FNDC1: variants seen among roughly 807,000 people sequenced by gnomAD.
FNDC1 encodes the protein fibronectin type III domain containing 1.
Under a neutral mutation model 168.0 loss-of-function variants are expected in FNDC1, and 96 were observed. That is an observed-to-expected ratio of 0.57 (90% CI 0.48 to 0.68). The LOEUF is 0.68. FNDC1 is among the 30% of genes least tolerant of loss of function. FNDC1 has a pLI of 0.00. For missense variants in FNDC1, 2,587 were observed against 2,482.1 expected, an observed-to-expected ratio of 1.04 and a Z score of -0.90; for synonymous variants, 1,099 against 1,025.9, an observed-to-expected ratio of 1.07 and a Z score of -1.36.
chr6:159,233,968 C>T lies in FNDC1; in HGVS notation c.3456C>T (p.Ser1152=). 6.3e-7 allele frequency: 1 copy of T among 1,590,054 alleles called. No individual in the cohort carries two copies. Among genetic ancestry groups the T allele is most frequent in the Non-Finnish European group, 8.6e-7 (1 of 1,168,606 alleles). The change falls in exon 11 of 23, where the codon AGC becomes AGT. Residue 1152 remains serine, a synonymous_variant. Coordinates refer to ENST00000297267, the MANE Select transcript of FNDC1 (RefSeq NM_032532.3). This position sits in a 1 kb window ranked among gnomAD's most constrained non-coding sequence, Gnocchi z 4.6. Reference sequence around the variant, plus strand: ...CCCAGTCCCGCGCCCGGGTACCCAGCAGGGCAGCGCCGGGGAAGTCGGAGC... The same window carrying T: ...CCCAGTCCCGCGCCCGGGTACCCAGTAGGGCAGCGCCGGGGAAGTCGGAGC... The part of the protein sequence containing the change: ...GGPQSRARVP[S]RAAPGKSEPP...
At chr6:159,218,950 G>T (rs1782761026) in intron 5 of FNDC1, among the ~76,000 whole-genome samples, 1 of 152,098 alleles carries the variant, frequency 6.6e-6, no homozygotes, top group Admixed American at 6.5e-5. Flanking sequence ...CACACTTGAG[G>T]TCGGAAAGTG....
At chr6:159,187,291 C>G (rs1782023757) in intron 1 of FNDC1, among the ~76,000 whole-genome samples, 1 of 152,174 alleles carries the variant, frequency 6.6e-6, no homozygotes, top group Admixed American at 6.5e-5. Flanking sequence ...GCTTCCATTG[C>G]TGTCCTCCAT....
In FNDC1 at chr6:159,200,593, T is replaced by C; in HGVS notation, c.460+12T>C. On this transcript the variant is annotated intron_variant, in intron 4 of 22. Transcript: ENST00000297267. ...TGAAACCGTCACAGGTACTACTTCC[T>C]CCTTCATGTCAGATTCATGTTTTCA... 1 of 1,572,724 alleles carries C rather than the reference T, an allele frequency of 6.4e-7. No individual in the cohort carries two copies. Among genetic ancestry groups the C allele is most frequent in the Non-Finnish European group, 8.7e-7 (1 of 1,155,382 alleles).
intron 14 of FNDC1, among the ~76,000 whole-genome samples, chr6:159,241,558 C>G (rs1562305454): frequency 6.6e-6 from 1 of 152,136 alleles, no homozygotes; most frequent in Non-Finnish European, 1.5e-5. Flanking sequence ...AAAATAAGTA[C>G]AAATCAATAC....
At position 159,217,147 on chromosome 6, in the gene FNDC1, G is replaced by A. The variant is rs534737849; in HGVS notation, c.667+1996G>A. On this transcript the variant is annotated intron_variant, in intron 5 of 22. Transcript: ENST00000297267. Reference sequence around the variant, plus strand: ...GTAAAATCCTTCAGACAAGGAGGGGGATGGGCAGTGTGACTGAGATGGATG... The same window carrying A: ...GTAAAATCCTTCAGACAAGGAGGGGAATGGGCAGTGTGACTGAGATGGATG... Among the ~76,000 whole-genome samples the A allele has an allele frequency of 4.6e-5, 7 of 152,358 alleles. No individual in the cohort carries two copies. The South Asian group carries it at 1.5e-3, about 32-fold the overall frequency.
At chr6:159,207,334 G>A (rs1305578496) in intron 4 of FNDC1, among the ~76,000 whole-genome samples, 2 of 152,226 alleles carry the variant, frequency 1.3e-5, no homozygotes, top group Non-Finnish European at 2.9e-5. Flanking sequence ...CTCTGGGAAG[G>A]TGGGAGATGG....
rs1481087495 is a variant in FNDC1, at chr6:159,261,238, C to T, written c.5223C>T (p.Ile1741=). ...AAAATCCTCATGGCTACGGACCTATCAGCCCTTCGGTCTCATTTGTCACCG... is the reference window on the plus strand; with the variant it reads ...AAAATCCTCATGGCTACGGACCTATTAGCCCTTCGGTCTCATTTGTCACCG... ...QAQNPHGYGP[I]SPSVSFVTES... is the part of the protein sequence containing the mutation. Residue 1741 remains isoleucine (I), a synonymous_variant, in exon 19 of 23, where the codon ATC becomes ATT. Transcript: ENST00000297267. 1 of 1,613,082 alleles carries T rather than the reference C, an allele frequency of 6.2e-7. No individual in the cohort carries two copies. Among genetic ancestry groups the T allele is most frequent in the Admixed American group, 1.7e-5 (1 of 59,832 alleles).
Position 159,234,050 on chromosome 6 carries a change from G to T in FNDC1, c.3538G>T (p.Asp1180Tyr), listed in dbSNP as rs1258289183. ...CCAGCAGTCGGTCTCAGCCGAGGACGACGAGGAGGAGGACGCGGGATTTTT... is the reference window on the plus strand; with the variant it reads ...CCAGCAGTCGGTCTCAGCCGAGGACTACGAGGAGGAGGACGCGGGATTTTT... ...KSQQSVSAED[D>Y]EEEDAGFFKG... Residue 1180 changes from aspartate to tyrosine, a missense_variant, in exon 11 of 23, where the codon GAC becomes TAC. Asp to Tyr is a radical substitution (Grantham distance 160). Coordinates refer to ENST00000297267, the MANE Select transcript of FNDC1 (RefSeq NM_032532.3). 1 of 1,612,314 alleles carries T rather than the reference G, an allele frequency of 6.2e-7. No individual in the cohort carries two copies. Among genetic ancestry groups the T allele is most frequent in the Non-Finnish European group, 8.5e-7 (1 of 1,179,280 alleles).
intron 6 of FNDC1, among the ~76,000 whole-genome samples, chr6:159,223,275 C>T (rs1024697620): frequency 3.3e-5 from 5 of 152,148 alleles, no homozygotes; most frequent in African/African-American, 9.7e-5. Context: ...GGATTACAGG[C>T]GTGAACCACC....
At chr6:159,253,932 G>A (rs1193283605) in intron 17 of FNDC1, among the ~76,000 whole-genome samples, 3 of 152,214 alleles carry the variant, frequency 2.0e-5, no homozygotes, top group African/African-American at 7.2e-5. Flanking sequence ...GGGCCATTGT[G>A]TGCAGCACCA....
chr6:159,195,821 T>C (rs542157835), intron 1 of FNDC1, among the ~76,000 whole-genome samples: 1 of 152,378 alleles, frequency 6.6e-6, no homozygotes, highest in African/African-American at 2.4e-5. Flanking sequence ...CATTTTAGAA[T>C]GTCTATTCAA....
intron 16 of FNDC1, among the ~76,000 whole-genome samples, chr6:159,249,801 C>G (rs1421488868): frequency 6.6e-6 from 1 of 152,182 alleles, no homozygotes; most frequent in African/African-American, 2.4e-5. Context: ...ATTAATGAGA[C>G]AGCTGGATTA....
At chr6:159,223,918 A>G (rs1782899563) in intron 7 of FNDC1, among the ~76,000 whole-genome samples, 1 of 152,180 alleles carries the variant, frequency 6.6e-6, no homozygotes, top group African/African-American at 2.4e-5. Flanking sequence ...TTGTGTCTGG[A>G]AATTTCCTAG....
rs375509168 is a variant in FNDC1, at chr6:159,233,209, G to A, written c.2697G>A (p.Arg899=). 9.8e-5 allele frequency: 158 copies of A among 1,613,110 alleles called. No homozygotes were observed. The highest frequency in any genetic ancestry group is 1.2e-4 in the Non-Finnish European group (144 of 1,179,626). Residue 899 remains arginine (R), a synonymous_variant, in exon 11 of 23, where the codon AGG becomes AGA. Transcript: ENST00000297267. The surrounding 1 kb of genome is among the most constrained non-coding windows in gnomAD (Gnocchi z 4.6). ...ATGACCACGTGCCTTCCTCCTCCAG[G>A]CAGCCCATCTCCCGGGGCTGGGAGG... ...VVNDHVPSSS[R]QPISRGWEDL...
chr6:159,180,499 G>C (rs997331738), intron 1 of FNDC1, among the ~76,000 whole-genome samples: 1 of 151,864 alleles, frequency 6.6e-6, no homozygotes, highest in African/African-American at 2.4e-5. Context: ...AAGTTCCAGG[G>C]TACATGTGCA....
intron 19 of FNDC1, among the ~76,000 whole-genome samples, chr6:159,262,933 C>T (rs781610901): frequency 2.0e-5 from 3 of 152,192 alleles, no homozygotes; most frequent in Admixed American, 6.5e-5. Context: ...TCAAGTTTCT[C>T]CTTCATTTTG....
At chr6:159,251,862 C>A (rs2115016039) in intron 17 of FNDC1, among the ~76,000 whole-genome samples, 1 of 152,296 alleles carries the variant, frequency 6.6e-6, no homozygotes, top group East Asian at 1.9e-4. Flanking sequence ...TCTCTAACAT[C>A]CTATAATCTT....
chr6:159,177,115 T>A (rs2114918646), intron 1 of FNDC1, among the ~76,000 whole-genome samples: 1 of 152,324 alleles, frequency 6.6e-6, no homozygotes, highest in South Asian at 2.1e-4. Flanking sequence ...GGGGTGGGTC[T>A]GTGCCAAATT....
At chr6:159,190,405 G>C (rs1782110242) in intron 1 of FNDC1, among the ~76,000 whole-genome samples, 1 of 152,254 alleles carries the variant, frequency 6.6e-6, no homozygotes, top group Non-Finnish European at 1.5e-5. Flanking sequence ...CCCCAGGCAT[G>C]AGTGTCTCCT....
Sources: gnomAD v4.1 joint callset for allele counts (sites outside exome capture counted in the v4.1 genomes callset) on GRCh38, gnomAD v4.1.1 for gene constraint, Gnocchi (gnomAD v3.1) non-coding constraint, MANE v1.5 for transcripts, NCBI Gene and HGNC (gene_info 2026-07-23, HGNC 2026-07-21) for gene names.